PDLIM5: variants seen among roughly 807,000 people sequenced by gnomAD.
The protein encoded by PDLIM5 is PDZ and LIM domain 5.
A neutral mutation model predicts 64.2 loss-of-function variants in PDLIM5; 34 were observed. That is an observed-to-expected ratio of 0.53 (90% CI 0.40 to 0.71). The LOEUF is 0.71. PDLIM5 is among the 30% of genes least tolerant of loss of function. PDLIM5 has a pLI of 0.00. For missense variants in PDLIM5, 683 were observed against 733.6 expected, an observed-to-expected ratio of 0.93 and a Z score of 0.80; for synonymous variants, 253 against 269.1, an observed-to-expected ratio of 0.94 and a Z score of 0.59.
chr4:94,553,721 C>T (rs1733018231), intron 3 of PDLIM5, among the ~76,000 whole-genome samples: 1 of 152,112 alleles, frequency 6.6e-6, no homozygotes, highest in South Asian at 2.1e-4. Context: ...TCCTGCAGCT[C>T]ATCCCTCCTT....
At chr4:94,607,951 C>T in intron 7 of PDLIM5, 1 of 672,878 alleles carries the variant, frequency 1.5e-6, no homozygotes, top group East Asian at 3.2e-5. Flanking sequence ...AATAGTGTTC[C>T]CAAAATTGAA....
chr4:94,481,631 C>T (rs1363368426), intron 2 of PDLIM5, among the ~76,000 whole-genome samples: 7 of 150,358 alleles, frequency 4.7e-5, no homozygotes, highest in Non-Finnish European at 8.9e-5. Flanking sequence ...TTTTTTGAGA[C>T]GGAGTCTCGT....
In PDLIM5 at chr4:94,665,915, A is replaced by G; in HGVS notation, c.*1848A>G. 1.3e-6 allele frequency: 2 copies of G among 1,488,688 alleles called. No individual in the cohort carries two copies. The highest frequency in any genetic ancestry group is 1.8e-6 in the Non-Finnish European group (2 of 1,128,422). The allele number at this position is 1,488,688 out of a possible 1,614,324, so 92.2% of individuals were successfully genotyped here. ...CCTTTGGGAAAAGAATTATGTAGAT[A>G]CCACATGGAGACAGGGAAACAATTG... is the stretch of plus-strand genomic sequence containing the variant. On this transcript the variant is annotated 3_prime_UTR_variant, in exon 13 of 13. Transcript: ENST00000317968.
rs373251894 is a variant in PDLIM5 at position 94,640,421 on chromosome 4, G to T, written c.1254G>T (p.Pro418=). ...AEHIPAGKRT[P]MCAHCNQVIR... ...ACATTCCAGCAGGGAAACGAACTCC[G>T]ATGTGCGCCCATTGTAACCAGGTCA... Residue 418 remains proline (P), a synonymous_variant, in exon 9 of 13, where the codon CCG becomes CCT. Coordinates refer to ENST00000317968, the MANE Select transcript of PDLIM5 (RefSeq NM_006457.5). 1.2e-6 allele frequency: 2 copies of T among 1,605,556 alleles called. No homozygotes were observed. The highest frequency in any genetic ancestry group is 2.7e-5 in the African/African-American group (2 of 74,310).
At chr4:94,552,915 G>T (rs769011375) in intron 3 of PDLIM5, among the ~76,000 whole-genome samples, 1 of 152,056 alleles carries the variant, frequency 6.6e-6, no homozygotes, top group Non-Finnish European at 1.5e-5. Context: ...GGTGACTTTG[G>T]TAGTCTAGGT....
chr4:94,587,536 T>A (rs960623047), intron 7 of PDLIM5: 5 of 910,052 alleles, frequency 5.5e-6, no homozygotes, highest in Non-Finnish European at 6.6e-6. Context: ...CAAAGTTGAT[T>A]GTAAATTATT....
At chr4:94,477,848 C>T (rs943322291) in intron 2 of PDLIM5, among the ~76,000 whole-genome samples, 1 of 152,142 alleles carries the variant, frequency 6.6e-6, no homozygotes, top group Non-Finnish European at 1.5e-5. Flanking sequence ...GACTACTCCA[C>T]ATGAAGAAAG....
intron 3 of PDLIM5, among the ~76,000 whole-genome samples, chr4:94,569,765 T>G (rs1734652312): frequency 6.6e-6 from 1 of 152,196 alleles, no homozygotes; most frequent in Non-Finnish European, 1.5e-5. Context: ...AAGGTAGCTG[T>G]TAGTCTTTGT....
At chr4:94,561,929 G>A (rs992642118) in intron 3 of PDLIM5, among the ~76,000 whole-genome samples, 3 of 152,146 alleles carry the variant, frequency 2.0e-5, no homozygotes, top group Non-Finnish European at 4.4e-5. Context: ...GTTCTTCTTA[G>A]TAATTTTGAT....
intron 7 of PDLIM5, among the ~76,000 whole-genome samples, chr4:94,612,407 T>C (rs1346053556): frequency 6.6e-6 from 1 of 152,210 alleles, no homozygotes; most frequent in African/African-American, 2.4e-5. Flanking sequence ...TCTTTCATTG[T>C]CAGGGCTGAG....
intron 12 of PDLIM5, among the ~76,000 whole-genome samples, chr4:94,663,633 C>A (rs531513153): frequency 2.0e-5 from 3 of 152,042 alleles, no homozygotes; most frequent in Non-Finnish European, 4.4e-5. Context: ...AAAATTAGGA[C>A]GTTGTTTATA....
At chr4:94,630,480 T>A (rs533354239) in intron 8 of PDLIM5, among the ~76,000 whole-genome samples, 1 of 152,138 alleles carries the variant, frequency 6.6e-6, no homozygotes, top group Non-Finnish European at 1.5e-5. Context: ...GTTCAAGCGA[T>A]TCTCCTGCCT....
chr4:94,462,224 G>C (rs1308189192), intron 2 of PDLIM5, among the ~76,000 whole-genome samples: 3 of 152,086 alleles, frequency 2.0e-5, no homozygotes, highest in Non-Finnish European at 4.4e-5. Context: ...GAGCGTATAG[G>C]GGGAAATGTC....
At chr4:94,608,070 C>T in intron 7 of PDLIM5, 1 of 1,530,276 alleles carries the variant, frequency 6.5e-7, no homozygotes, top group Non-Finnish European at 8.8e-7. Context: ...TTTGACAGTG[C>T]TCTGGAAGAC....
At chr4:94,468,773 A>G (rs1724593628) in intron 2 of PDLIM5, among the ~76,000 whole-genome samples, 1 of 152,224 alleles carries the variant, frequency 6.6e-6, no homozygotes, top group Non-Finnish European at 1.5e-5. Flanking sequence ...GTAAATTCTC[A>G]GTATGGCAGG....
At chr4:94,495,043 C>T (rs1578250766) in intron 2 of PDLIM5, among the ~76,000 whole-genome samples, 1 of 152,170 alleles carries the variant, frequency 6.6e-6, no homozygotes, top group South Asian at 2.1e-4. Flanking sequence ...CCATGCCCGG[C>T]CCGACCATGT....
At chr4:94,587,419 G>T in intron 7 of PDLIM5, 3 of 1,046,006 alleles carry the variant, frequency 2.9e-6, no homozygotes, top group Non-Finnish European at 3.5e-6. Flanking sequence ...GTTGGTTGAA[G>T]CAGAGGATAA....
intron 7 of PDLIM5, among the ~76,000 whole-genome samples, chr4:94,599,198 A>G (rs552413381): frequency 7.2e-5 from 11 of 152,316 alleles, no homozygotes; most frequent in Admixed American, 2.6e-4. Context: ...AGGGAGAAAT[A>G]ATGGGAGCAG....
intron 9 of PDLIM5, among the ~76,000 whole-genome samples, chr4:94,649,103 A>G (rs1038121899): frequency 6.6e-6 from 1 of 151,890 alleles, no homozygotes; most frequent in African/African-American, 2.4e-5. Context: ...AGCCTCCCGA[A>G]TAGCTAAGAC....
Sources: gnomAD v4.1 joint callset for allele counts (sites outside exome capture counted in the v4.1 genomes callset) on GRCh38, gnomAD v4.1.1 for gene constraint, MANE v1.5 for transcripts, NCBI Gene and HGNC (gene_info 2026-07-23, HGNC 2026-07-21) for gene names.